BTD: variants seen among roughly 807,000 people sequenced by gnomAD.
BTD encodes the protein biotinidase, also known as biocytinase.
Under a neutral mutation model 17.7 loss-of-function variants are expected in BTD, and 13 were observed. The observed-to-expected ratio is 0.74, with a 90% CI of 0.48 to 1.17. The LOEUF (loss-of-function observed/expected upper bound fraction) is 1.17, where lower values mean the gene tolerates loss of function less well. Ranked by LOEUF, BTD falls within the 50% of genes most tolerant of loss-of-function variation. The pLI is 0.00. For synonymous variants in BTD, 240 were observed against 245.2 expected, an observed-to-expected ratio of 0.98 and a Z score of 0.20; for missense variants, 674 against 650.4, an observed-to-expected ratio of 1.04 and a Z score of -0.39.
chr3:15,614,187 A>C (rs2064723801), intron 1 of BTD, among the ~76,000 whole-genome samples: 1 of 148,894 alleles, frequency 6.7e-6, no homozygotes, highest in Non-Finnish European at 1.5e-5. Flanking sequence ...ACAGTGGCAC[A>C]GCCGTAGCCC....
exon 4 of BTD, chr3:15,711,348 A>C: frequency 7.8e-7 from 1 of 1,289,552 alleles, no homozygotes; most frequent in Non-Finnish European, 1.1e-6. Flanking sequence ...TGAAACATCA[A>C]GAATCACATC....
At chr3:15,720,265 A>T (rs2073564708) in intron 4 of BTD, among the ~76,000 whole-genome samples, 1 of 152,126 alleles carries the variant, frequency 6.6e-6, no homozygotes. Flanking sequence ...ACACACTGAC[A>T]GTTTTTTTTC....
At chr3:15,608,556 A>G (rs1026032071) in intron 1 of BTD, among the ~76,000 whole-genome samples, 1 of 152,162 alleles carries the variant, frequency 6.6e-6, no homozygotes, top group African/African-American at 2.4e-5. Context: ...TCACGAGGTC[A>G]GTAGATTGAC....
intron 1 of BTD, among the ~76,000 whole-genome samples, chr3:15,602,629 T>A (rs889446141): frequency 1.3e-5 from 2 of 152,136 alleles, no homozygotes; most frequent in East Asian, 3.8e-4. Flanking sequence ...AGAACAGTGA[T>A]AAGTGGACAG....
In BTD at chr3:15,678,277, T is replaced by C. The variant is rs754766441; in HGVS notation, c.400-31783T>C. On this transcript the variant is annotated intron_variant, in intron 3 of 3. Transcript: ENST00000672141. ...TGTTTTCCCTGTAGAGTCCACAGAA[T>C]TGACTTGAGCATTATGGCTGAGCAG... is the stretch of plus-strand genomic sequence containing the variant. The C allele has an allele frequency of 2.8e-5, 45 of 1,613,082 alleles. No individual in the cohort carries two copies. The highest frequency in any genetic ancestry group is 6.7e-5 in the Admixed American group (4 of 59,948).
chr3:15,656,136 G>A (rs2062820), downstream of BTD, among the ~76,000 whole-genome samples: 68,764 of 151,720 alleles, frequency 0.45, 18,135 homozygotes, highest in Middle Eastern at 0.57. Flanking sequence ...AAGATACAAT[G>A]AATTTCTCTG....
chr3:15,714,983 C>T (rs1484455955), downstream of BTD, among the ~76,000 whole-genome samples: 1 of 152,090 alleles, frequency 6.6e-6, no homozygotes, highest in African/African-American at 2.4e-5. Context: ...TGAATCCTTC[C>T]TTGACCAAGT....
Position 15,647,132 on chromosome 3 carries a change from A to C in BTD, c.*1644A>C, listed in dbSNP as rs1024531906. 1 of 152,252 alleles carries C rather than the reference A, an allele frequency of 6.6e-6. No homozygotes were observed. Among genetic ancestry groups the C allele is most frequent in the Non-Finnish European group, 1.5e-5 (1 of 68,086 alleles). 9.4% of individuals were successfully genotyped at this position (152,252 alleles called of 1,614,324 possible). ...AGCCTTGGGTTCCCCACGCCCTAGG[A>C]AGTCCCTCTGGAAGGGGAGCAGGAC... On this transcript the variant is annotated 3_prime_UTR_variant, in exon 4 of 4. Coordinates refer to ENST00000643237, the MANE Select transcript of BTD (RefSeq NM_001370658.1).
chr3:15,645,128 T>C lies in BTD; in HGVS notation c.1212T>C (p.Cys404=). The change falls in exon 4 of 4, where the codon TGT becomes TGC. Residue 404 remains cysteine (C), a synonymous_variant. Transcript: ENST00000643237. ...YLHVCSNGLC[C]YLLYERPTLS... ...ACGTCTGTTCCAATGGCCTCTGCTG[T>C]TATTTACTTTACGAGAGGCCCACCT... The C allele has an allele frequency of 6.2e-7, 1 of 1,614,186 alleles. No homozygotes were observed.
At chr3:15,666,114 G>A (rs2065984038) in intron 3 of BTD, among the ~76,000 whole-genome samples, 1 of 152,196 alleles carries the variant, frequency 6.6e-6, no homozygotes, top group Admixed American at 6.5e-5. Flanking sequence ...TGTATGCCAA[G>A]AGCCTAGCAC....
chr3:15,623,382 A>G (rs529726370), intron 1 of BTD, among the ~76,000 whole-genome samples: 1 of 152,294 alleles, frequency 6.6e-6, no homozygotes, highest in East Asian at 1.9e-4. Flanking sequence ...TGATATATTT[A>G]TACCATTGAC....
In BTD at chr3:15,644,953, C is replaced by T; in HGVS notation, c.1037C>T (p.Ser346Leu). ...PSHSKFLKILSGDPYCEKDAQ... is the reference protein window; with the variant it reads ...PSHSKFLKILLGDPYCEKDAQ... Reference sequence around the variant, plus strand: ...CATAGTAAGTTTTTAAAAATTTTGTCAGGCGATCCGTACTGTGAGAAGGAT... The same window carrying T: ...CATAGTAAGTTTTTAAAAATTTTGTTAGGCGATCCGTACTGTGAGAAGGAT... The change falls in exon 4 of 4, where the codon TCA becomes TTA. Residue 346 changes from serine to leucine, a missense_variant. Transcript: ENST00000643237. 1 of 1,614,174 alleles carries T rather than the reference C, an allele frequency of 6.2e-7. No homozygotes were observed. Among genetic ancestry groups the T allele is most frequent in the South Asian group, 1.1e-5 (1 of 91,080 alleles).
intron 3 of BTD, among the ~76,000 whole-genome samples, chr3:15,698,252 G>GGCTA (rs1328225788): frequency 6.6e-6 from 1 of 151,950 alleles, no homozygotes; most frequent in African/African-American, 2.4e-5. Context: ...AAATAGTAAG[G>GGCTA]GCTAGTTATG....
intron 3 of BTD, among the ~76,000 whole-genome samples, chr3:15,707,711 G>C (rs752588610): frequency 6.6e-6 from 1 of 152,200 alleles, no homozygotes; most frequent in Non-Finnish European, 1.5e-5. Context: ...TCTTCCACCA[G>C]ATCAGCTAGT....
chr3:15,682,990 C>T lies in BTD; in HGVS notation c.400-27070C>T, dbSNP rs554737514. 5.3e-5 allele frequency among the ~76,000 whole-genome samples: 8 copies of T among 152,290 alleles called. No homozygotes were observed. In the East Asian group the frequency reaches 5.8e-4, roughly 11 times the overall value. ...GCAAAATTCTGTCTCTTGCACAAAACGTGCTTAGAGTCTAAATTTAGCAGT... is the reference window on the plus strand; with the variant it reads ...GCAAAATTCTGTCTCTTGCACAAAATGTGCTTAGAGTCTAAATTTAGCAGT... On this transcript the variant is annotated intron_variant, in intron 3 of 3. Coordinates refer to the BTD transcript ENST00000672141.
At chr3:15,623,700 T>C (rs1338446539) in intron 1 of BTD, among the ~76,000 whole-genome samples, 3 of 152,188 alleles carry the variant, frequency 2.0e-5, no homozygotes, top group South Asian at 2.1e-4. Context: ...TCTAACAGTT[T>C]AGCACCATCC....
intron 3 of BTD, chr3:15,686,516 T>C (rs982850448): frequency 2.6e-5 from 15 of 575,390 alleles, no homozygotes; most frequent in African/African-American, 2.3e-4. Flanking sequence ...CAGTAAAACA[T>C]GACAGGCAGA....
rs763007053 is a variant in BTD, at chr3:15,648,540, G to A, written c.*3052G>A. On this transcript the variant is annotated 3_prime_UTR_variant, in exon 4 of 4. Transcript: ENST00000643237. ...TTAGTTCACCCAGTTCTGTGGGGCA[G>A]GAAAGCGGGTCTCTCATGAGGCTAC... Among the ~76,000 whole-genome samples, 1 of 152,188 alleles carries A rather than the reference G, an allele frequency of 6.6e-6. No homozygotes were observed. The highest frequency in any genetic ancestry group is 1.5e-5 in the Non-Finnish European group (1 of 68,032).
Position 15,651,673 on chromosome 3 carries a change from C to T in BTD, c.*6185C>T, listed in dbSNP as rs528737397. On this transcript the variant is annotated 3_prime_UTR_variant, in exon 4 of 4. Coordinates refer to ENST00000643237, the MANE Select transcript of BTD (RefSeq NM_001370658.1). Reference sequence around the variant, plus strand: ...GCGGCCTCCCACTGGCTGGACCCAACAGGAAAGCAGAGGATAAGAGAATCT... The same window carrying T: ...GCGGCCTCCCACTGGCTGGACCCAATAGGAAAGCAGAGGATAAGAGAATCT... 6.6e-6 allele frequency among the ~76,000 whole-genome samples: 1 copy of T among 152,214 alleles called. No individual in the cohort carries two copies. Among genetic ancestry groups the T allele is most frequent in the Non-Finnish European group, 1.5e-5 (1 of 68,032 alleles).
Sources: allele counts gnomAD v4.1 joint callset (sites outside exome capture counted in the v4.1 genomes callset), GRCh38; gene constraint gnomAD v4.1.1; transcripts MANE v1.5; gene names NCBI Gene and HGNC (gene_info 2026-07-23, HGNC 2026-07-21).